The following SYTL2 variants were observed in gnomAD, a reference collection of about 807,000 sequenced individuals.
SYTL2 encodes synaptotagmin-like protein 2.
In SYTL2, 165 loss-of-function variants were observed where a neutral mutation model predicts 198.7. The ratio of observed to expected loss-of-function variants is 0.83; its 90% CI spans 0.73 to 0.94. SYTL2 has a LOEUF of 0.94. Among genes scored for constraint, SYTL2 ranks in the 40% least tolerant of loss-of-function variants. SYTL2 has a pLI of 0.00. For synonymous variants in SYTL2, 966 were observed against 917.7 expected, an observed-to-expected ratio of 1.05 and a Z score of -0.95; for missense variants, 2,835 against 2,582.8, an observed-to-expected ratio of 1.10 and a Z score of -2.12.
the SYTL2 span, among the ~76,000 whole-genome samples, chr11:85,829,049 GTTT>G: frequency 1.4e-5 from 2 of 146,396 alleles, no homozygotes; most frequent in African/African-American, 5.0e-5. Flanking sequence ...AAAGAGCTCT[GTTT>G]TTTTTTTTTT....
intron 1 of SYTL2, among the ~76,000 whole-genome samples, chr11:85,798,315 G>T (rs1029327329): frequency 2.0e-5 from 3 of 152,140 alleles, no homozygotes; most frequent in Non-Finnish European, 4.4e-5. Context: ...TTGGTTTACG[G>T]AATGACAAGA....
chr11:85,752,678 A>G (rs1437886727), intron 2 of SYTL2, among the ~76,000 whole-genome samples: 1 of 152,078 alleles, frequency 6.6e-6, no homozygotes, highest in East Asian at 1.9e-4. Flanking sequence ...AGGGAAGTGC[A>G]CAGGCCTTGA....
chr11:85,801,777 T>C (rs1309315279), intron 1 of SYTL2, among the ~76,000 whole-genome samples: 4 of 151,866 alleles, frequency 2.6e-5, no homozygotes, highest in Non-Finnish European at 5.9e-5. Context: ...CCACCAACCA[T>C]AATTTACCTG....
At position 85,734,235 on chromosome 11, in the gene SYTL2, A is replaced by G. The variant is rs2090120014; in HGVS notation, c.1094T>C (p.Leu365Ser). Reference sequence around the variant, plus strand: ...CCCTGCATCTTCCATTCCATTTTTCAATCTGTCAGATTCTAAAACACTAAA... The same window carrying G: ...CCCTGCATCTTCCATTCCATTTTTCGATCTGTCAGATTCTAAAACACTAAA... ...GEFSVLESDR[L>S]KNGMEDAGDT... Residue 365 changes from leucine (L) to serine (S), a missense_variant, in exon 7 of 20, where the codon TTG becomes TCG. By Grantham distance (145) the Leu-to-Ser change is moderately radical. This residue lies in a region of SYTL2 where 2,645 missense variants were observed against 2,381.7 expected (regional missense o/e 1.11). Coordinates refer to ENST00000359152, the MANE Select transcript of SYTL2 (RefSeq NM_206927.4). The G allele has an allele frequency of 6.2e-7, 1 of 1,614,060 alleles. No individual in the cohort carries two copies. The highest frequency in any genetic ancestry group is 8.5e-7 in the Non-Finnish European group (1 of 1,180,030).
the SYTL2 span, among the ~76,000 whole-genome samples, chr11:85,851,909 G>A: frequency 1.3e-5 from 2 of 152,148 alleles, no homozygotes; most frequent in Non-Finnish European, 2.9e-5. Context: ...TTATTTTAGG[G>A]AAAACCAGGT....
chr11:85,719,244 A>G (rs1023793154), intron 9 of SYTL2: 3 of 1,193,188 alleles, frequency 2.5e-6, no homozygotes, highest in Admixed American at 7.3e-5. Context: ...TGTGTGCATC[A>G]TCATTCACAT....
the SYTL2 span, among the ~76,000 whole-genome samples, chr11:85,829,018 T>C: frequency 6.6e-6 from 1 of 151,596 alleles, no homozygotes; most frequent in Non-Finnish European, 1.5e-5. Context: ...GAAGACAGGA[T>C]ACTGGGCCAC....
At chr11:85,816,000 C>T (rs993235339), upstream of SYTL2, among the ~76,000 whole-genome samples, 2 of 152,124 alleles carry the variant, frequency 1.3e-5, no homozygotes, top group South Asian at 2.1e-4. Flanking sequence ...CCCATCTCTA[C>T]CAAAAGTACA....
chr11:85,763,927 C>A (rs2092166398), intron 1 of SYTL2, among the ~76,000 whole-genome samples: 1 of 152,200 alleles, frequency 6.6e-6, no homozygotes, highest in African/African-American at 2.4e-5. Context: ...TTGAATGTGA[C>A]AATCAGAGAC....
intron 8 of SYTL2, among the ~76,000 whole-genome samples, chr11:85,723,680 T>A (rs1317968247): frequency 6.6e-6 from 1 of 152,196 alleles, no homozygotes; most frequent in Non-Finnish European, 1.5e-5. Context: ...ACCTAAAAGT[T>A]CTATAGGTAG....
chr11:85,807,299 G>C (rs2092971382), intron 1 of SYTL2, among the ~76,000 whole-genome samples: 1 of 152,218 alleles, frequency 6.6e-6, no homozygotes, highest in African/African-American at 2.4e-5. Flanking sequence ...AGTCCCAATA[G>C]AGCATTTACA....
At chr11:85,740,631 C>T (rs2153507736) in intron 4 of SYTL2, among the ~76,000 whole-genome samples, 1 of 152,300 alleles carries the variant, frequency 6.6e-6, no homozygotes, top group South Asian at 2.1e-4. Context: ...ATACTCCATA[C>T]ATTCCACATG....
chr11:85,806,421 G>C (rs773049933), intron 1 of SYTL2, among the ~76,000 whole-genome samples: 2 of 152,200 alleles, frequency 1.3e-5, no homozygotes, highest in Non-Finnish European at 2.9e-5. Flanking sequence ...TGTATGTAGT[G>C]ACTTTAGAGG....
the SYTL2 span, among the ~76,000 whole-genome samples, chr11:85,830,398 C>A: frequency 2.6e-5 from 4 of 152,156 alleles, no homozygotes; most frequent in Non-Finnish European, 5.9e-5. Context: ...TTGCTTTAAC[C>A]ATGCCACTAC....
At chr11:85,696,442 T>C (rs748825234) in intron 18 of SYTL2, 54 bp from the exon 19 acceptor site, 25 of 1,329,392 alleles carry the variant, frequency 1.9e-5, no homozygotes, top group South Asian at 5.9e-5. Flanking sequence ...TGAACATTCA[T>C]GCTTTCAATA....
At chr11:85,752,955 A>T (rs1008777324) in intron 2 of SYTL2, among the ~76,000 whole-genome samples, 2 of 134,242 alleles carry the variant, frequency 1.5e-5, no homozygotes, top group Non-Finnish European at 3.1e-5. Flanking sequence ...AAAAAAACAC[A>T]ACTAGGTCTA....
the SYTL2 span, among the ~76,000 whole-genome samples, chr11:85,821,439 T>C: frequency 6.6e-6 from 1 of 151,896 alleles, no homozygotes; most frequent in Admixed American, 6.6e-5. Flanking sequence ...CAACTGGAGG[T>C]GAAGGCACCA....
the SYTL2 span, chr11:85,854,524 A>G: frequency 2.6e-5 from 4 of 152,244 alleles, no homozygotes; most frequent in Admixed American, 2.0e-4. Context: ...AGCGAGAAGA[A>G]AAACAGAATC....
chr11:85,853,510 G>T, the SYTL2 span: 4 of 257,474 alleles, frequency 1.6e-5, no homozygotes, highest in African/African-American at 2.4e-5. Context: ...AGTACCCAGG[G>T]ACACAAACAC....
Sources: gnomAD v4.1 joint callset for allele counts (sites outside exome capture counted in the v4.1 genomes callset) on GRCh38, gnomAD v4.1.1 for gene constraint, gnomAD v4.1.1 regional missense constraint, MANE v1.5 for transcripts, NCBI Gene and HGNC (gene_info 2026-07-23, HGNC 2026-07-21) for gene names.